POLR2B: variants seen among roughly 807,000 people sequenced by gnomAD.
POLR2B encodes the protein RNA polymerase II subunit B.
POLR2B carries 57 observed loss-of-function variants against 144.6 expected under a neutral mutation model. That is an observed-to-expected ratio of 0.39 (90% CI 0.32 to 0.49). The LOEUF is 0.49. Ranked by LOEUF, POLR2B falls within the 20% of genes least tolerant of loss-of-function variation. The pLI is 0.83. For missense variants in POLR2B, 595 were observed against 1,467.4 expected (o/e 0.41, Z 9.71); for synonymous variants, 442 against 469.8 (o/e 0.94, Z 0.77).
chr4:56,986,646 G>T, intron 2 of POLR2B: 1 of 352,004 alleles, frequency 2.8e-6, no homozygotes, highest in South Asian at 6.7e-5. Context: ...ACATTTCTTT[G>T]TCTTTTTCTC....
intron 7 of POLR2B, among the ~76,000 whole-genome samples, chr4:57,004,815 G>A (rs925151467): frequency 3.9e-5 from 6 of 152,076 alleles, no homozygotes; most frequent in African/African-American, 7.2e-5. Context: ...CTCCCAAGTC[G>A]CTGGGACTAC....
intron 2 of POLR2B, chr4:56,986,648 CTTT>C: frequency 3.0e-6 from 1 of 337,114 alleles, no homozygotes; most frequent in Non-Finnish European, 5.3e-6. Context: ...ATTTCTTTGT[CTTT>C]TTCTCTTTTT....
intron 21 of POLR2B, among the ~76,000 whole-genome samples, chr4:57,024,531 G>A (rs1488720381): frequency 1.3e-5 from 2 of 152,194 alleles, no homozygotes; most frequent in African/African-American, 4.8e-5. Flanking sequence ...CTTGGTTTTA[G>A]GGCATTAAAA....
intron 21 of POLR2B, 56 bp from the exon 22 acceptor site, chr4:57,024,830 T>C: frequency 3.5e-6 from 3 of 858,312 alleles, no homozygotes; most frequent in Non-Finnish European, 5.7e-6. Flanking sequence ...TTGATATGAC[T>C]TTTAGGGGGA....
At chr4:56,994,570 A>G in intron 4 of POLR2B, 54 bp downstream of exon 4, 1 of 1,456,566 alleles carries the variant, frequency 6.9e-7, no homozygotes, top group African/African-American at 1.4e-5. Context: ...AATTTTGAAA[A>G]TGTAATTTTA....
At chr4:56,991,383 T>G (rs1457858758) in intron 3 of POLR2B, among the ~76,000 whole-genome samples, 1 of 152,250 alleles carries the variant, frequency 6.6e-6, no homozygotes, top group East Asian at 1.9e-4. Flanking sequence ...TTTTTTAGCA[T>G]TGTTAAAATC....
intron 22 of POLR2B, 127 bp downstream of exon 22, chr4:57,025,126 G>T (rs1442900326): frequency 3.2e-6 from 2 of 625,622 alleles, no homozygotes; most frequent in Non-Finnish European, 5.6e-6. Flanking sequence ...ACAGCTTGAT[G>T]AATTTTCACA....
At chr4:56,990,114 A>G (rs191948111) in intron 2 of POLR2B, among the ~76,000 whole-genome samples, 43 of 152,340 alleles carry the variant, frequency 2.8e-4, no homozygotes, top group Admixed American at 1.0e-3. Context: ...CCTCCGTCCT[A>G]TTCAAATGAA....
chr4:57,030,623 A>G, intron 24 of POLR2B: 1 of 539,120 alleles, frequency 1.9e-6, no homozygotes, highest in Non-Finnish European at 3.2e-6. Flanking sequence ...CATCTTTTGG[A>G]AATAATAAGA....
At chr4:57,013,345 A>G (rs1723257127) in intron 13 of POLR2B, among the ~76,000 whole-genome samples, 1 of 152,096 alleles carries the variant, frequency 6.6e-6, no homozygotes, top group Non-Finnish European at 1.5e-5. Flanking sequence ...ACTTGAGGGC[A>G]GGCAAGGCTA....
chr4:57,023,664 A>C lies in POLR2B; in HGVS notation c.2769A>C (p.Val923=). The change falls in exon 20 of 25, where the codon GTA becomes GTC. Residue 923 remains valine (V), a splice_region_variant and synonymous_variant. Coordinates refer to ENST00000314595, the MANE Select transcript of POLR2B (RefSeq NM_000938.3). This position sits in a 1 kb window ranked among gnomAD's most constrained non-coding sequence, Gnocchi z 4.3. The part of the protein sequence containing the change: ...QEGYKFCKIR[V]RSVRIPQIGD... ...AACTTATTTTTATATGAATTTAGGT[A>C]CGCTCTGTTAGGATTCCACAGATTG... 1 of 1,611,954 alleles carries C rather than the reference A, an allele frequency of 6.2e-7. No homozygotes were observed.
chr4:57,006,702 T>C, intron 9 of POLR2B, 114 bp from the exon 10 acceptor site: 1 of 754,722 alleles, frequency 1.3e-6, no homozygotes, highest in South Asian at 1.7e-5. Flanking sequence ...ACTTTCACTC[T>C]GCCCAAACAA....
intron 6 of POLR2B, among the ~76,000 whole-genome samples, chr4:56,997,320 G>A (rs559404180): frequency 5.0e-4 from 76 of 150,884 alleles, no homozygotes; most frequent in Non-Finnish European, 9.6e-4. Context: ...GCGTAGTGGC[G>A]CGATCTGGGC....
In POLR2B at chr4:57,031,117, G is replaced by A. The variant is rs536627544; in HGVS notation, c.*129G>A. Reference sequence around the variant, plus strand: ...ATTTTATTTGTTTAATGATATGCATGCTTTTCTTCTGTAAATATATAATAA... The same window carrying A: ...ATTTTATTTGTTTAATGATATGCATACTTTTCTTCTGTAAATATATAATAA... On this transcript the variant is annotated 3_prime_UTR_variant, in exon 25 of 25. Coordinates refer to ENST00000314595, the MANE Select transcript of POLR2B (RefSeq NM_000938.3). The A allele has an allele frequency of 1.4e-5, 10 of 717,632 alleles. No individual in the cohort carries two copies. Among genetic ancestry groups the A allele is most frequent in the East Asian group, 2.6e-5 (1 of 38,046 alleles). The allele number at this position is 717,632 out of a possible 1,614,324, so 44.5% of individuals were successfully genotyped here. A position where few individuals can be genotyped will look rare whatever the true frequency, so the allele number is the denominator to read the frequency against.
chr4:56,981,248 G>A (rs1045376318), intron 1 of POLR2B, among the ~76,000 whole-genome samples: 9 of 151,404 alleles, frequency 5.9e-5, no homozygotes, highest in Non-Finnish European at 8.8e-5. Context: ...AAAGCATCGC[G>A]CCCCCCCTCC....
intron 10 of POLR2B, among the ~76,000 whole-genome samples, chr4:57,008,271 C>T (rs896195045): frequency 1.0e-4 from 15 of 148,712 alleles, no homozygotes; most frequent in African/African-American, 2.7e-4. Context: ...GTGGCAATCT[C>T]CGCTCACTGC....
At chr4:57,026,439 A>T (rs111253242) in intron 23 of POLR2B, among the ~76,000 whole-genome samples, 207 of 152,324 alleles carry the variant, frequency 1.4e-3, no homozygotes, top group African/African-American at 4.5e-3. Flanking sequence ...TTTTCAGTGT[A>T]TATCTTTAAA....
chr4:57,022,167 C>T lies in POLR2B; in HGVS notation c.2436C>T (p.Arg812=). ...GTGTTTTTAGGTCTGTTTTCTATCG[C>T]TCATACAAAGAACAGGAGTCTAAAA... The part of the protein sequence containing the change: ...DRGFFRSVFY[R]SYKEQESKKG... Residue 812 remains arginine (R), a synonymous_variant, in exon 18 of 25, where the codon CGC becomes CGT. Transcript: ENST00000314595. 1.2e-6 allele frequency: 2 copies of T among 1,607,430 alleles called. No individual in the cohort carries two copies. Among genetic ancestry groups the T allele is most frequent in the Non-Finnish European group, 1.7e-6 (2 of 1,174,622 alleles).
At chr4:57,013,537 AT>A (rs979801275) in intron 13 of POLR2B, among the ~76,000 whole-genome samples, 8 of 111,616 alleles carry the variant, frequency 7.2e-5, no homozygotes, top group East Asian at 3.3e-4. Context: ...GGTTGGCTGT[AT>A]TTTTTTTTCT....
Sources: gnomAD v4.1 joint callset for allele counts (sites outside exome capture counted in the v4.1 genomes callset) on GRCh38, gnomAD v4.1.1 for gene constraint, Gnocchi (gnomAD v3.1) non-coding constraint, MANE v1.5 for transcripts, NCBI Gene and HGNC (gene_info 2026-07-23, HGNC 2026-07-21) for gene names.